Variants in MYO10 observed in about 807,000 individuals in gnomAD.
MYO10 encodes the protein myosin X.
MYO10 carries 133 observed loss-of-function variants against 257.3 expected under a neutral mutation model. That is an observed-to-expected ratio of 0.52 (90% CI 0.45 to 0.60). The LOEUF is 0.60. Among genes scored for constraint, MYO10 ranks in the 20% least tolerant of loss-of-function variants. The pLI is 0.00. For synonymous variants in MYO10, 1,104 were observed against 1,028.6 expected, an observed-to-expected ratio of 1.07 and a Z score of -1.40; for missense variants, 2,399 against 2,635.7, an observed-to-expected ratio of 0.91 and a Z score of 1.97.
chr5:16,817,891 C>G, intron 3 of MYO10, 118 bp downstream of exon 3: 1 of 954,882 alleles, frequency 1.0e-6, no homozygotes, highest in African/African-American at 1.7e-5. Flanking sequence ...CCCTTGAAAA[C>G]ATAATTTTAC....
At chr5:16,724,369 G>A (rs1037586823) in intron 19 of MYO10, among the ~76,000 whole-genome samples, 2 of 152,116 alleles carry the variant, frequency 1.3e-5, no homozygotes, top group African/African-American at 2.4e-5. Context: ...CTGTTGGAGC[G>A]AGAATTTTGC....
At chr5:16,765,564 G>A (rs1045285235) in intron 11 of MYO10, among the ~76,000 whole-genome samples, 43 of 152,110 alleles carry the variant, frequency 2.8e-4, no homozygotes, top group Non-Finnish European at 1.9e-4. Flanking sequence ...TTGGCTCAGC[G>A]CAGTAGCAGA....
chr5:16,803,713 GA>G, intron 3 of MYO10, among the ~76,000 whole-genome samples: 1 of 152,226 alleles, frequency 6.6e-6, no homozygotes, highest in African/African-American at 2.4e-5. Context: ...AGCAAAAAAG[GA>G]AAGAATATGT....
intron 1 of MYO10, among the ~76,000 whole-genome samples, chr5:16,898,697 C>T (rs1745287955): frequency 6.6e-6 from 1 of 151,798 alleles, no homozygotes; most frequent in Non-Finnish European, 1.5e-5. Flanking sequence ...GTGTGAGCCA[C>T]CATGCCTGGC....
chr5:16,901,279 G>A (rs986348243), intron 1 of MYO10, among the ~76,000 whole-genome samples: 4 of 152,080 alleles, frequency 2.6e-5, no homozygotes, highest in Admixed American at 2.6e-4. Context: ...GGCCTGCTGG[G>A]CGCCCCTCCT....
intron 1 of MYO10, among the ~76,000 whole-genome samples, chr5:16,882,210 G>A (rs145683483): frequency 5.8e-4 from 89 of 152,238 alleles, no homozygotes; most frequent in African/African-American, 1.7e-3. Flanking sequence ...TTCTTCAAAC[G>A]TAAGGTTCAC....
intron 19 of MYO10, among the ~76,000 whole-genome samples, chr5:16,725,227 C>T (rs1739314339): frequency 6.6e-6 from 1 of 151,708 alleles, no homozygotes; most frequent in South Asian, 2.1e-4. Context: ...GCTAGGATTA[C>T]AGACATGCAT....
intron 2 of MYO10, among the ~76,000 whole-genome samples, chr5:16,866,297 C>T (rs1161738920): frequency 6.6e-6 from 1 of 152,146 alleles, no homozygotes; most frequent in African/African-American, 2.4e-5. Context: ...CGCTTTGCCT[C>T]TCAACTGGAC....
chr5:16,694,647 A>C (rs771681707), intron 26 of MYO10, 33 bp from the exon 27 acceptor site: 1 of 1,609,480 alleles, frequency 6.2e-7, no homozygotes. Flanking sequence ...GAGAGGGGTG[A>C]AAGAAAAGTC....
At chr5:16,877,246 A>T (rs1744628705) in intron 2 of MYO10, among the ~76,000 whole-genome samples, 1 of 152,372 alleles carries the variant, frequency 6.6e-6, no homozygotes, top group South Asian at 2.1e-4. Context: ...GTAACAAGTT[A>T]ATCAGTCAGC....
chr5:16,742,644 A>C (rs1579938755), intron 19 of MYO10, among the ~76,000 whole-genome samples: 1 of 151,604 alleles, frequency 6.6e-6, no homozygotes, highest in East Asian at 1.9e-4. Context: ...ACATGGTGAA[A>C]TCTCATCAAC....
intron 34 of MYO10, 102 bp from the exon 35 acceptor site, chr5:16,675,252 C>T (rs1004108639): frequency 6.8e-6 from 8 of 1,183,194 alleles, no homozygotes; most frequent in East Asian, 4.9e-5. Context: ...ATGAGGAGGA[C>T]GGATGCAATG....
intron 1 of MYO10, among the ~76,000 whole-genome samples, chr5:16,878,567 C>G (rs1744668954): frequency 6.6e-6 from 1 of 152,100 alleles, no homozygotes; most frequent in Non-Finnish European, 1.5e-5. Context: ...TCACATGAAA[C>G]TTTTTCAAAC....
In MYO10 at chr5:16,815,478, C is replaced by T. The variant is rs751521603; in HGVS notation, c.279+2531G>A. The T allele has an allele frequency of 1.4e-4, 98 of 696,352 alleles. 1 individual carries two copies. In the South Asian group the frequency reaches 1.5e-3, roughly 10 times the overall value. The allele number at this position is 696,352 out of a possible 1,614,324, so 43.1% of individuals were successfully genotyped here. A position where few individuals can be genotyped will look rare whatever the true frequency, so the allele number is the denominator to read the frequency against. On this transcript the variant is annotated intron_variant, in intron 3 of 40. Transcript: ENST00000513610. ...CCTATCTGCACCTACAAGAGACATA[C>T]ACCAATAAAAAATTTTAAAATCCAG...
At chr5:16,858,731 G>A (rs1744032693) in intron 2 of MYO10, among the ~76,000 whole-genome samples, 1 of 152,160 alleles carries the variant, frequency 6.6e-6, no homozygotes, top group Non-Finnish European at 1.5e-5. Flanking sequence ...AGGCCGAGGT[G>A]GGCGGGTAAC....
chr5:16,678,576 C>T (rs1369652616), intron 33 of MYO10, among the ~76,000 whole-genome samples: 1 of 152,150 alleles, frequency 6.6e-6, no homozygotes, highest in East Asian at 1.9e-4. Flanking sequence ...AAGACTCCGT[C>T]CTCCGTCTCA....
intron 2 of MYO10, among the ~76,000 whole-genome samples, chr5:16,823,826 A>C (rs1742916826): frequency 6.6e-6 from 1 of 152,086 alleles, no homozygotes. Context: ...GAAGGAAACA[A>C]GGGCCACAAT....
At position 16,665,319 on chromosome 5, in the gene MYO10, T is replaced by C. The variant is rs1026366928; in HGVS notation, c.*1373A>G. On this transcript the variant is annotated 3_prime_UTR_variant, in exon 41 of 41. Transcript: ENST00000513610. ...ACAGCGTGTTAGCTAGTATCTTTTA[T>C]TGTCAGAACTTCTGTGAGCCAACAA... 1.3e-5 allele frequency: 2 copies of C among 152,188 alleles called. No individual in the cohort carries two copies. The highest frequency in any genetic ancestry group is 1.3e-4 in the Admixed American group (2 of 15,274). 9.4% of individuals were successfully genotyped at this position (152,188 alleles called of 1,614,324 possible). A position where few individuals can be genotyped will look rare whatever the true frequency, so the allele number is the denominator to read the frequency against.
At chr5:16,702,631 C>G in intron 23 of MYO10, 43 bp from the exon 24 acceptor site, 2 of 1,530,096 alleles carry the variant, frequency 1.3e-6, no homozygotes, top group Middle Eastern at 1.7e-4. Flanking sequence ...AACAATAACC[C>G]TGGAACCACT....
Sources: gnomAD v4.1 joint callset for allele counts (sites outside exome capture counted in the v4.1 genomes callset) on GRCh38, gnomAD v4.1.1 for gene constraint, MANE v1.5 for transcripts, NCBI Gene and HGNC (gene_info 2026-07-23, HGNC 2026-07-21) for gene names.